The following KDM5C variants were observed in gnomAD, a reference collection of about 807,000 sequenced individuals.
KDM5C encodes the protein lysine-specific demethylase 5C.
A neutral mutation model predicts 110.6 loss-of-function variants in KDM5C; 16 were observed. That is an observed-to-expected ratio of 0.14 (90% CI 0.10 to 0.22). The LOEUF is 0.22. Among genes scored for constraint, KDM5C ranks in the 10% least tolerant of loss-of-function variants. The pLI, the probability that KDM5C is intolerant of heterozygous loss-of-function variation, is 1.00. For synonymous variants in KDM5C, 511 were observed against 520.4 expected, an observed-to-expected ratio of 0.98 and a Z score of 0.24; for missense variants, 681 against 1,300.9, an observed-to-expected ratio of 0.52 and a Z score of 7.33.
Position 53,192,858 on chromosome X carries a change from G to GCCCCCCCCC in KDM5C, c.*108_*109insGGGGGGGGG. On this transcript the variant is annotated 3_prime_UTR_variant, in exon 26 of 26. Coordinates refer to ENST00000375401, the MANE Select transcript of KDM5C (RefSeq NM_004187.5). ...CAGGGGTGGGCGGGTAGCAGGGATG[G>GCCCCCCCCC]CCACCCCCCTACCCGCCCACCCCCC... is the stretch of plus-strand genomic sequence containing the variant. 2 of 728,426 alleles carry GCCCCCCCCC rather than the reference G, an allele frequency of 2.7e-6. No individual in the cohort carries two copies. Among genetic ancestry groups the GCCCCCCCCC allele is most frequent in the Non-Finnish European group, 1.8e-6 (1 of 548,373 alleles). 60.0% of individuals were successfully genotyped at this position (728,426 alleles called of 1,213,427 possible). A position where few individuals can be genotyped will look rare whatever the true frequency, so the allele number is the denominator to read the frequency against.
At chrX:53,202,018 T>C (rs782273794) in intron 12 of KDM5C, 45 bp from the exon 13 acceptor site, 22 of 1,204,513 alleles carry the variant, frequency 1.8e-5, no homozygotes, top group Non-Finnish European at 2.4e-5. Flanking sequence ...GAGATTTTCC[T>C]GTATACAGAC....
At chrX:53,202,127 C>T (rs2073159669) in intron 12 of KDM5C, 154 bp from the exon 13 acceptor site, 1 of 602,549 alleles carries the variant, frequency 1.7e-6, no homozygotes. Flanking sequence ...AAGGAAGGAC[C>T]ACTGGTCTCT....
At chrX:53,198,305 T>G (rs1556839167) in intron 17 of KDM5C, among the ~76,000 whole-genome samples, 185 bp downstream of exon 17, 1 of 112,171 alleles carries the variant, frequency 8.9e-6, no homozygotes, top group Non-Finnish European at 1.9e-5. Context: ...CCTCTCCTTT[T>G]TAGGTGGCCT....
rs199941573 is a variant in KDM5C, at chrX:53,208,452, CATAT to C, written c.1746+1958_1746+1961del. Among the ~76,000 whole-genome samples, 18 of 96,564 alleles carry C rather than the reference CATAT, an allele frequency of 1.9e-4. No individual in the cohort carries two copies. The South Asian group carries it at 9.1e-3, about 49-fold the overall frequency. 83.9% of individuals were successfully genotyped at this position (96,564 alleles called of 115,157 possible). A position where few individuals can be genotyped will look rare whatever the true frequency, so the allele number is the denominator to read the frequency against. On this transcript the variant is annotated intron_variant, in intron 12 of 25. Coordinates refer to ENST00000375401, the MANE Select transcript of KDM5C (RefSeq NM_004187.5). ...ATATATATATATATATACACACACA[CATAT>C]ATATATATATGCCTCTTAGCTACCC...
rs782503580 is a variant in KDM5C at position 53,210,462 on chromosome X, T to C, written c.1698A>G (p.Gln566=). ...TGTTGGGATTCATGAGGGTGACAAG[T>C]TGGTGCAGGAGGTCAGGCTGGCTAT... The part of the protein sequence containing the change: ...LFDSQPDLLH[Q]LVTLMNPNTL... Residue 566 remains glutamine (Q), a synonymous_variant, in exon 12 of 26, where the codon CAA becomes CAG. Coordinates refer to ENST00000375401, the MANE Select transcript of KDM5C (RefSeq NM_004187.5). The C allele has an allele frequency of 3.1e-5, 38 of 1,211,978 alleles. 1 individual carries two copies. In the South Asian group the frequency reaches 6.3e-4, roughly 20 times the overall value.
At chrX:53,193,875 T>C (rs1556833364) in intron 23 of KDM5C, 24 bp from the exon 24 acceptor site, 46 of 1,174,002 alleles carry the variant, frequency 3.9e-5, no homozygotes, top group Non-Finnish European at 5.1e-5. Flanking sequence ...CAAGAATAGG[T>C]AGGGGCAACT....
In KDM5C at chrX:53,217,253, T is replaced by C; in HGVS notation, c.547A>G (p.Asn183Asp). The C allele has an allele frequency of 4.1e-6, 5 of 1,210,765 alleles. No individual in the cohort carries two copies. The highest frequency in any genetic ancestry group is 3.4e-6 in the Non-Finnish European group (3 of 895,058). Reference protein sequence around the residue: ...LVQCNTRPFDNEEKDKEYKPH... With the variant: ...LVQCNTRPFDDEEKDKEYKPH... Reference sequence around the variant, plus strand: ...TTGTATTCCTTGTCCTTCTCCTCATTATCAAATGGACGTGTGTTACACTGC... The same window carrying C: ...TTGTATTCCTTGTCCTTCTCCTCATCATCAAATGGACGTGTGTTACACTGC... The change falls in exon 5 of 26, where the codon AAT becomes GAT. Residue 183 changes from asparagine (N) to aspartate (D), a missense_variant. Around this residue, in one of 14 missense-constraint regions of KDM5C, gnomAD observed 55 missense variants for 118.0 expected, o/e 0.47. Coordinates refer to ENST00000375401, the MANE Select transcript of KDM5C (RefSeq NM_004187.5).
chrX:53,189,097 TGA>T (rs1416257532), downstream of KDM5C, among the ~76,000 whole-genome samples: 2 of 112,439 alleles, frequency 1.8e-5, no homozygotes, highest in African/African-American at 6.5e-5. Flanking sequence ...CCACTGTTTT[TGA>T]GATAATTTGT....
chrX:53,181,136 T>TATA (rs200477132), intron 25 of KDM5C, among the ~76,000 whole-genome samples: 1 of 107,342 alleles, frequency 9.3e-6, no homozygotes, highest in Non-Finnish European at 1.9e-5. Context: ...TATATATATA[T>TATA]TTTTTTTTGT....
At chrX:53,187,365 A>C (rs1417505671), downstream of KDM5C, among the ~76,000 whole-genome samples, 1 of 112,420 alleles carries the variant, frequency 8.9e-6, no homozygotes, top group East Asian at 2.8e-4. Context: ...ATGAAAAAGG[A>C]AGGCACACAG....
chrX:53,215,920 C>T lies in KDM5C; in HGVS notation c.838G>A (p.Asp280Asn), dbSNP rs1426003385. 6 of 1,211,810 alleles carry T rather than the reference C, an allele frequency of 5.0e-6. No homozygotes were observed. The highest frequency in any genetic ancestry group is 6.7e-6 in the Non-Finnish European group (6 of 895,366). ...GGCGATGTTGACTCCACCTTCACAT[C>T]CCCACCTAACTCCTCCTTCACCACT... Reference protein sequence around the residue: ...TVVVKEELGGDVKVESTSPKT... With the variant: ...TVVVKEELGGNVKVESTSPKT... Residue 280 changes from aspartate to asparagine, a missense_variant, in exon 7 of 26, where the codon GAT (aspartate) becomes AAT (asparagine). Coordinates refer to ENST00000375401, the MANE Select transcript of KDM5C (RefSeq NM_004187.5).
intron 23 of KDM5C, 107 bp from the exon 24 acceptor site, chrX:53,193,958 G>A (rs1602160174): frequency 1.0e-6 from 1 of 952,908 alleles, no homozygotes. Flanking sequence ...TGGAGGAGGA[G>A]GGAAGACACA....
chrX:53,203,709 G>A (rs1419182248), intron 12 of KDM5C, among the ~76,000 whole-genome samples: 3 of 109,339 alleles, frequency 2.7e-5, no homozygotes, highest in Non-Finnish European at 5.7e-5. Context: ...TCCCTGCCTA[G>A]CCTCTGTATC....
intron 1 of KDM5C, chrX:53,221,764 G>C: frequency 1.0e-6 from 1 of 977,881 alleles, no homozygotes; most frequent in Non-Finnish European, 1.3e-6. Context: ...GGAAGCCCCA[G>C]GGGGTGGGGG....
chrX:53,224,331 G>A (rs1025202683), intron 1 of KDM5C, among the ~76,000 whole-genome samples: 12 of 111,921 alleles, frequency 1.1e-4, no homozygotes, highest in African/African-American at 3.9e-4. Flanking sequence ...TCAGGACTGC[G>A]ATCTTTCTAT....
rs1934756703 is a variant in KDM5C, at chrX:53,195,355, C to T, written c.3176G>A (p.Arg1059Gln). 8.3e-7 allele frequency: 1 copy of T among 1,206,617 alleles called. No individual in the cohort carries two copies. The highest frequency in any genetic ancestry group is 1.1e-6 in the Non-Finnish European group (1 of 892,772). Residue 1059 changes from arginine (R) to glutamine (Q), a missense_variant, in exon 21 of 26, where the codon CGG (arginine) becomes CAG (glutamine). Arg to Gln is a conservative substitution (Grantham distance 43). Coordinates refer to ENST00000375401, the MANE Select transcript of KDM5C (RefSeq NM_004187.5). ...DDLEGLVAVG[R>Q]DLPVGLEELR... ...CTCCTCCAGCCCCACAGGTAGGTCC[C>T]GGCCCACAGCTACTAGGCCCTCCAA...
chrX:53,196,929 AC>A lies in KDM5C; in HGVS notation c.2737del (p.Val913TrpfsTer22). Reference sequence around the variant, plus strand: ...GAGCTGCTGGGCCTCAGGCACCTCCACCCCCAGCTGCCGCCCCCTCTCCAAC... The same window carrying A: ...GAGCTGCTGGGCCTCAGGCACCTCCACCCCAGCTGCCGCCCCCTCTCCAAC... ...SLLERGRQLG[V>X]EVPEAQQLQR... On this transcript the variant is annotated frameshift_variant, in exon 19 of 26. Coordinates refer to ENST00000375401, the MANE Select transcript of KDM5C (RefSeq NM_004187.5). LOFTEE classifies it high-confidence loss of function. 1 of 1,197,525 alleles carries A rather than the reference AC, an allele frequency of 8.4e-7. No homozygotes were observed. Among genetic ancestry groups the A allele is most frequent in the Admixed American group, 2.2e-5 (1 of 44,497 alleles).
rs1556834807 is a variant in KDM5C, at chrX:53,194,676, G to T, written c.3501C>A (p.Thr1167=). 2 of 1,209,379 alleles carry T rather than the reference G, an allele frequency of 1.7e-6. No homozygotes were observed. The highest frequency in any genetic ancestry group is 1.1e-6 in the Non-Finnish European group (1 of 894,793). ...EKEGILQLRR[T]NSAKPSPLAS... is the part of the protein sequence containing the mutation. ...CCAGTGGACTGGGCTTGGCCGAATTGGTGCGACGCAGCTGCAGGATACCCT... is the reference window on the plus strand; with the variant it reads ...CCAGTGGACTGGGCTTGGCCGAATTTGTGCGACGCAGCTGCAGGATACCCT... The change falls in exon 23 of 26, where the codon ACC becomes ACA. Residue 1167 remains threonine (T), a synonymous_variant. Transcript: ENST00000375401.
chrX:53,191,880 A>C (rs1934443748), downstream of KDM5C: 1 of 174,838 alleles, frequency 5.7e-6, no homozygotes, highest in African/African-American at 2.9e-5. Flanking sequence ...TGAGGAGGAT[A>C]AACTGGAGGG....
Sources: allele counts gnomAD v4.1 joint callset (sites outside exome capture counted in the v4.1 genomes callset), GRCh38; gene constraint gnomAD v4.1.1; regional missense constraint gnomAD v4.1.1; transcripts MANE v1.5; gene names NCBI Gene and HGNC (gene_info 2026-07-23, HGNC 2026-07-21).